HIPK1: variants seen among roughly 807,000 people sequenced by gnomAD.
The protein encoded by HIPK1 is homeodomain interacting protein kinase 1.
A neutral mutation model predicts 117.1 loss-of-function variants in HIPK1; 28 were observed. The observed-to-expected ratio is 0.24, with a 90% CI of 0.18 to 0.33. The LOEUF is 0.33. Among genes scored for constraint, HIPK1 ranks in the 10% least tolerant of loss-of-function variants. The pLI is 1.00. For synonymous variants in HIPK1, 605 were observed against 562.5 expected, an observed-to-expected ratio of 1.08 and a Z score of -1.07; for missense variants, 1,122 against 1,475.1, an observed-to-expected ratio of 0.76 and a Z score of 3.92.
At chr1:113,953,665 C>T (rs1262498370) in intron 3 of HIPK1, among the ~76,000 whole-genome samples, 1 of 151,902 alleles carries the variant, frequency 6.6e-6, no homozygotes, top group Non-Finnish European at 1.5e-5. Context: ...TTACAGGTGC[C>T]TGCCACCATG....
At chr1:113,949,969 C>T (rs897676424) in intron 2 of HIPK1, among the ~76,000 whole-genome samples, 16 of 152,134 alleles carry the variant, frequency 1.1e-4, no homozygotes, top group African/African-American at 3.9e-4. Flanking sequence ...ATTGGTGGTT[C>T]CACCCATAGC....
At position 113,973,705 on chromosome 1, in the gene HIPK1, T is replaced by G. The variant is rs1020486945; in HGVS notation, c.*193T>G. ...CAGTGTTGACTGCATTGTTGTAGTC[T>G]TCCCAAAGTTTGCCCTATTTTTAAA... On this transcript the variant is annotated 3_prime_UTR_variant, in exon 16 of 16. Coordinates refer to ENST00000426820, the MANE Select transcript of HIPK1 (RefSeq NM_198268.3). The G allele has an allele frequency of 6.0e-6, 3 of 502,084 alleles. No individual in the cohort carries two copies. The highest frequency in any genetic ancestry group is 5.9e-5 in the African/African-American group (3 of 50,492). 31.1% of individuals were successfully genotyped at this position (502,084 alleles called of 1,614,324 possible).
intron 1 of HIPK1, among the ~76,000 whole-genome samples, chr1:113,932,656 G>A (rs1398088011): frequency 6.6e-6 from 1 of 152,176 alleles, no homozygotes; most frequent in Non-Finnish European, 1.5e-5. Context: ...TGAGATTACA[G>A]GCGTGAGCCA....
intron 9 of HIPK1, 37 bp from the exon 10 acceptor site, chr1:113,963,350 G>C: frequency 6.2e-7 from 1 of 1,608,304 alleles, no homozygotes. Context: ...TCCTGCCTCC[G>C]TGTTTGTTTC....
intron 1 of HIPK1, among the ~76,000 whole-genome samples, chr1:113,937,308 T>C (rs982538505): frequency 1.3e-5 from 2 of 152,224 alleles, no homozygotes; most frequent in African/African-American, 2.4e-5. Flanking sequence ...GAAATGTACT[T>C]ACTGCCTTTT....
chr1:113,973,598 A>G lies in HIPK1; in HGVS notation c.*86A>G, dbSNP rs1252138420. On this transcript the variant is annotated 3_prime_UTR_variant, in exon 16 of 16. Coordinates refer to ENST00000426820, the MANE Select transcript of HIPK1 (RefSeq NM_198268.3). Reference sequence around the variant, plus strand: ...TTGGGCTATGGAGAGATCCTCCTTTACCCTCTTGAAATTTCTTAGCCAGCA... The same window carrying G: ...TTGGGCTATGGAGAGATCCTCCTTTGCCCTCTTGAAATTTCTTAGCCAGCA... 6.9e-7 allele frequency: 1 copy of G among 1,447,988 alleles called. No homozygotes were observed. Among genetic ancestry groups the G allele is most frequent in the East Asian group, 2.4e-5 (1 of 42,092 alleles). The allele number at this position is 1,447,988 out of a possible 1,614,324, so 89.7% of individuals were successfully genotyped here. A position where few individuals can be genotyped will look rare whatever the true frequency, so the allele number is the denominator to read the frequency against.
intron 9 of HIPK1, among the ~76,000 whole-genome samples, chr1:113,963,127 C>G (rs531401642): frequency 6.6e-6 from 1 of 152,268 alleles, no homozygotes; most frequent in South Asian, 2.1e-4. Context: ...TAATAAATGT[C>G]TCTGTTTCAT....
At chr1:113,967,643 A>T in intron 11 of HIPK1, 123 bp from the exon 12 acceptor site, 1 of 526,290 alleles carries the variant, frequency 1.9e-6, no homozygotes, top group South Asian at 4.5e-5. Context: ...ATCAGATGGT[A>T]GGTGCTCAAC....
chr1:113,938,929 TACACAC>T lies in HIPK1; in HGVS notation c.-2-1424_-2-1419del, dbSNP rs55979020. On this transcript the variant is annotated intron_variant, in intron 1 of 15. Coordinates refer to ENST00000426820, the MANE Select transcript of HIPK1 (RefSeq NM_198268.3). The stretch of plus-strand genomic sequence containing the variant: ...TGTCTCAAAAAAAAAAAAAAAAAAA[TACACAC>T]ACACACACACACACACACACACACA... Among the ~76,000 whole-genome samples the T allele has an allele frequency of 9.3e-4, 107 of 115,492 alleles. 1 individual carries two copies. Among genetic ancestry groups the T allele is most frequent in the African/African-American group, 2.0e-3 (59 of 29,116 alleles). The allele number at this position is 115,492 out of a possible 152,430, so 75.8% of individuals were successfully genotyped here.
intron 1 of HIPK1, among the ~76,000 whole-genome samples, chr1:113,939,017 G>T (rs1670465353): frequency 6.6e-6 from 1 of 150,874 alleles, no homozygotes; most frequent in Non-Finnish European, 1.5e-5. Context: ...TAAGGGAGAG[G>T]AATGAGCCAG....
rs2101171298 is a variant in HIPK1, at chr1:113,940,903, G to A, written c.520G>A (p.Asp174Asn). 6.2e-7 allele frequency: 1 copy of A among 1,614,140 alleles called. No individual in the cohort carries two copies. The highest frequency in any genetic ancestry group is 8.5e-7 in the Non-Finnish European group (1 of 1,180,034). ...GAGTAGCAGTTCCAGCGGAGAAGGG[G>A]ATTACCAGCTGGTCCAGCATGAGAT... ...TKSSSSSGEGDYQLVQHEILC... is the reference protein window; with the variant it reads ...TKSSSSSGEGNYQLVQHEILC... Residue 174 changes from aspartate (D) to asparagine (N), a missense_variant, in exon 2 of 16, where the codon GAT (aspartate) becomes AAT (asparagine). By Grantham distance (23) the Asp-to-Asn change is conservative (BLOSUM62 1). This residue lies in a region of HIPK1 where 192 missense variants were observed against 234.0 expected (regional missense o/e 0.82). Transcript: ENST00000426820.
intron 2 of HIPK1, among the ~76,000 whole-genome samples, chr1:113,950,928 T>TA (rs1209761368): frequency 6.6e-6 from 1 of 152,230 alleles, no homozygotes; most frequent in Non-Finnish European, 1.5e-5. Context: ...CCATTGATTA[T>TA]AAGATACATT....
chr1:113,955,542 A>G (rs781425690), intron 4 of HIPK1, 21 bp from the exon 5 acceptor site: 4 of 1,348,716 alleles, frequency 3.0e-6, no homozygotes, highest in Non-Finnish European at 4.2e-6. Flanking sequence ...GAATTTAAGG[A>G]GGAAAATCTT....
chr1:113,929,377 G>A lies in HIPK1; in HGVS notation c.-158G>A, dbSNP rs1357803231. ...CGCCAGGCACCTTTAAATCACCGCA[G>A]AGTCTGCAGTGCGGAGGGGGCGGGA... On this transcript the variant is annotated 5_prime_UTR_variant, in exon 1 of 16. Coordinates refer to ENST00000426820, the MANE Select transcript of HIPK1 (RefSeq NM_198268.3). 25 of 1,289,480 alleles carry A rather than the reference G, an allele frequency of 1.9e-5. No homozygotes were observed. The highest frequency in any genetic ancestry group is 2.4e-5 in the Non-Finnish European group (24 of 988,856). 79.9% of individuals were successfully genotyped at this position (1,289,480 alleles called of 1,614,324 possible). A position where few individuals can be genotyped will look rare whatever the true frequency, so the allele number is the denominator to read the frequency against.
At chr1:113,969,780 A>G (rs1385015396) in intron 13 of HIPK1, among the ~76,000 whole-genome samples, 176 bp from the exon 14 acceptor site, 1 of 151,910 alleles carries the variant, frequency 6.6e-6, no homozygotes, top group Non-Finnish European at 1.5e-5. Context: ...GGTGGTACAC[A>G]CCTGTAGTCC....
At chr1:113,961,613 G>T (rs750976363) in intron 8 of HIPK1, among the ~76,000 whole-genome samples, 2 of 152,080 alleles carry the variant, frequency 1.3e-5, no homozygotes, top group African/African-American at 2.4e-5. Flanking sequence ...TTAAAGATTA[G>T]AATTTTAAAA....
rs140161727 is a variant in HIPK1 at position 113,944,159 on chromosome 1, G to GTTTTTT, written c.1076+2724_1076+2729dup. ...TTTGTTTTTTAAATAATAGCCATGG[G>GTTTTTT]TTTTTTTTTTTTTTTTTTTTTTTTT... is the stretch of plus-strand genomic sequence containing the variant. On this transcript the variant is annotated intron_variant, in intron 2 of 15. Coordinates refer to ENST00000426820, the MANE Select transcript of HIPK1 (RefSeq NM_198268.3). Among the ~76,000 whole-genome samples, 184 of 55,232 alleles carry GTTTTTT rather than the reference G, an allele frequency of 3.3e-3. 32 individuals carry two copies. The highest frequency in any genetic ancestry group is 7.1e-3 in the African/African-American group (82 of 11,528). The allele number at this position is 55,232 out of a possible 152,430, so 36.2% of individuals were successfully genotyped here. A position where few individuals can be genotyped will look rare whatever the true frequency, so the allele number is the denominator to read the frequency against.
chr1:113,954,584 A>C, intron 3 of HIPK1, 67 bp from the exon 4 acceptor site: 1 of 1,539,188 alleles, frequency 6.5e-7, no homozygotes, highest in Admixed American at 1.8e-5. Context: ...ATGATGTTTT[A>C]GTGTAAAAGC....
In HIPK1 at chr1:113,956,753, A is replaced by C; in HGVS notation, c.1534A>C (p.Thr512Pro). ...DADKRITPLK[T>P]LNHQFVTMTH... ...AGATAAGAGAATTACCCCTCTAAAA[A>C]CTCTTAACCATCAGTTTGTGACAAT... Residue 512 changes from threonine (T) to proline (P), a missense_variant, in exon 6 of 16, where the codon ACT becomes CCT. Around this residue, in one of 6 missense-constraint regions of HIPK1, gnomAD observed 731 missense variants for 860.4 expected, o/e 0.85. Coordinates refer to ENST00000426820, the MANE Select transcript of HIPK1 (RefSeq NM_198268.3). 1 of 1,613,768 alleles carries C rather than the reference A, an allele frequency of 6.2e-7. No homozygotes were observed. Among genetic ancestry groups the C allele is most frequent in the Non-Finnish European group, 8.5e-7 (1 of 1,179,866 alleles).
Sources: gnomAD v4.1 joint callset for allele counts (sites outside exome capture counted in the v4.1 genomes callset) on GRCh38, gnomAD v4.1.1 for gene constraint, gnomAD v4.1.1 regional missense constraint, MANE v1.5 for transcripts, NCBI Gene and HGNC (gene_info 2026-07-23, HGNC 2026-07-21) for gene names.